PLD5: variants seen among roughly 807,000 people sequenced by gnomAD.
The protein encoded by PLD5 is inactive phospholipase D5.
A neutral mutation model predicts 61.1 loss-of-function variants in PLD5; 36 were observed. The observed-to-expected ratio is 0.59, with a 90% CI of 0.45 to 0.78. PLD5 has a LOEUF of 0.78. Among genes scored for constraint, PLD5 ranks in the 30% least tolerant of loss-of-function variants. PLD5 has a pLI of 0.00. For synonymous variants in PLD5, 243 were observed against 242.8 expected (o/e 1.00, Z -0.01); for missense variants, 515 against 644.4 (o/e 0.80, Z 2.17).
chr1:242,528,285 A>C (rs1404571956), upstream of PLD5, among the ~76,000 whole-genome samples: 1 of 152,204 alleles, frequency 6.6e-6, no homozygotes, highest in Non-Finnish European at 1.5e-5. Context: ...ATTTCTGTAT[A>C]AACTATAGAG....
intron 1 of PLD5, among the ~76,000 whole-genome samples, chr1:242,405,381 G>A (rs1664178106): frequency 6.6e-6 from 1 of 152,094 alleles, no homozygotes; most frequent in Admixed American, 6.6e-5. Context: ...AGCATTCAGT[G>A]GGTAGAGGCC....
At chr1:242,445,921 C>T (rs909440272) in intron 1 of PLD5, among the ~76,000 whole-genome samples, 2 of 151,826 alleles carry the variant, frequency 1.3e-5, no homozygotes, top group Non-Finnish European at 2.9e-5. Context: ...AATTTAAATC[C>T]ATATCATCTT....
chr1:242,361,404 A>G (rs1390845176), intron 1 of PLD5, among the ~76,000 whole-genome samples: 7 of 152,190 alleles, frequency 4.6e-5, no homozygotes. Flanking sequence ...CACATAAATA[A>G]TATCAAACTT....
intron 5 of PLD5, among the ~76,000 whole-genome samples, chr1:242,159,216 G>A (rs1253928330): frequency 3.3e-5 from 5 of 152,078 alleles, no homozygotes; most frequent in African/African-American, 1.2e-4. Flanking sequence ...TTTCTTCTAG[G>A]TGTTGGATAT....
intron 1 of PLD5, among the ~76,000 whole-genome samples, chr1:242,353,749 T>C (rs1258085978): frequency 1.3e-5 from 2 of 152,256 alleles, no homozygotes; most frequent in East Asian, 3.9e-4. Context: ...ATATTAATTA[T>C]TCCAGCCAGA....
intron 2 of PLD5, among the ~76,000 whole-genome samples, chr1:242,342,509 C>G (rs962593978): frequency 6.6e-6 from 1 of 152,108 alleles, no homozygotes; most frequent in African/African-American, 2.4e-5. Context: ...GGGGCACTAG[C>G]GAATTGCAAA....
At chr1:242,271,221 G>C (rs1340449066) in intron 3 of PLD5, among the ~76,000 whole-genome samples, 4,965 of 128,954 alleles carry the variant, frequency 0.039, 396 homozygotes, top group East Asian at 0.11. Flanking sequence ...GAGAGAGAGA[G>C]AGAGAGAGAG....
chr1:242,268,583 T>G (rs1357950081), intron 3 of PLD5, among the ~76,000 whole-genome samples: 1 of 152,220 alleles, frequency 6.6e-6, no homozygotes, highest in Non-Finnish European at 1.5e-5. Flanking sequence ...ACTTTTAGTA[T>G]GTGCTGATTA....
intron 5 of PLD5, among the ~76,000 whole-genome samples, chr1:242,172,440 C>T (rs12142884): frequency 0.24 from 36,056 of 151,862 alleles, 4,673 homozygotes; most frequent in South Asian, 0.36. Flanking sequence ...GATCTAAAAT[C>T]GACACCCTAA....
rs1393802314 is a variant in PLD5, at chr1:242,391,109, G to A, written c.190-42867C>T. ...ACTCGGGAGGCTGAGGCAGGAGAAT[G>A]GCGTGAACCCGGGAGGCGGAGCTTG... On this transcript the variant is annotated intron_variant, in intron 1 of 9. Coordinates refer to ENST00000536534, the MANE Select transcript of PLD5 (RefSeq NM_001372062.1). Among the ~76,000 whole-genome samples the A allele has an allele frequency of 5.3e-5, 8 of 152,238 alleles. No individual in the cohort carries two copies. In the East Asian group the frequency reaches 1.6e-3, roughly 30 times the overall value.
intron 1 of PLD5, among the ~76,000 whole-genome samples, chr1:242,418,284 A>G (rs1456850204): frequency 1.3e-5 from 2 of 152,132 alleles, no homozygotes; most frequent in African/African-American, 4.8e-5. Context: ...GGAGAACCTA[A>G]TTTTAGAGGG....
chr1:242,347,646 C>A (rs1241904332), intron 2 of PLD5, among the ~76,000 whole-genome samples: 3 of 152,226 alleles, frequency 2.0e-5, no homozygotes, highest in African/African-American at 7.2e-5. Context: ...TAAACTGGGA[C>A]AGGTCGAGGA....
chr1:242,319,169 T>C (rs1227200578), intron 2 of PLD5, among the ~76,000 whole-genome samples: 1 of 152,056 alleles, frequency 6.6e-6, no homozygotes, highest in East Asian at 1.9e-4. Context: ...CTGAAGACAA[T>C]ACTGAATCAC....
intron 1 of PLD5, among the ~76,000 whole-genome samples, chr1:242,461,298 TG>T (rs1243597741): frequency 6.6e-6 from 1 of 152,208 alleles, no homozygotes; most frequent in East Asian, 1.9e-4. Flanking sequence ...GATCTCAACC[TG>T]GCATAGTGAT....
At chr1:242,462,522 T>C (rs1362872356) in intron 1 of PLD5, among the ~76,000 whole-genome samples, 1 of 151,502 alleles carries the variant, frequency 6.6e-6, no homozygotes, top group Non-Finnish European at 1.5e-5. Flanking sequence ...GCTCACCGCC[T>C]GGGTGACGGG....
chr1:242,498,750 C>T (rs1006380388), intron 1 of PLD5, among the ~76,000 whole-genome samples: 4 of 152,174 alleles, frequency 2.6e-5, no homozygotes, highest in African/African-American at 9.7e-5. Flanking sequence ...TTGAACTTAT[C>T]ATTTTAAAGT....
intron 1 of PLD5, among the ~76,000 whole-genome samples, chr1:242,469,935 T>C (rs568896809): frequency 3.3e-5 from 5 of 152,278 alleles, no homozygotes; most frequent in African/African-American, 1.2e-4. Flanking sequence ...ACAAAGCTTA[T>C]CTGAGGCTAT....
intron 5 of PLD5, among the ~76,000 whole-genome samples, chr1:242,183,868 C>CT (rs1188975145): frequency 6.6e-5 from 10 of 152,020 alleles, no homozygotes; most frequent in Admixed American, 5.2e-4. Context: ...GCACTCCAGC[C>CT]TGGGCGACAG....
intron 3 of PLD5, among the ~76,000 whole-genome samples, chr1:242,280,880 C>T (rs1208518014): frequency 3.3e-5 from 5 of 152,196 alleles, no homozygotes; most frequent in Admixed American, 3.3e-4. Flanking sequence ...CCCTGTGTTA[C>T]AAAGTAGATG....
Sources: allele counts gnomAD v4.1 joint callset (sites outside exome capture counted in the v4.1 genomes callset), GRCh38; gene constraint gnomAD v4.1.1; transcripts MANE v1.5; gene names NCBI Gene and HGNC (gene_info 2026-07-23, HGNC 2026-07-21).